The following FBXL13 variants were observed in gnomAD, a reference collection of about 807,000 sequenced individuals.
The protein encoded by FBXL13 is F-box and leucine rich repeat protein 13.
Under a neutral mutation model 83.6 loss-of-function variants are expected in FBXL13, and 67 were observed. The ratio of observed to expected loss-of-function variants is 0.80; its 90% CI spans 0.66 to 0.98. FBXL13 has a LOEUF of 0.98. FBXL13 is among the 50% of genes least tolerant of loss of function. FBXL13 has a pLI of 0.00. For synonymous variants in FBXL13, 272 were observed against 299.5 expected (o/e 0.91, Z 0.95); for missense variants, 822 against 866.5 (o/e 0.95, Z 0.64).
At chr7:102,839,207 T>C (rs1457602669) in intron 17 of FBXL13, among the ~76,000 whole-genome samples, 1 of 152,228 alleles carries the variant, frequency 6.6e-6, no homozygotes, top group Non-Finnish European at 1.5e-5. Context: ...GCATAGTACC[T>C]ACCCTTGAAC....
chr7:102,998,468 C>A (rs188042059), intron 6 of FBXL13, among the ~76,000 whole-genome samples: 40 of 152,244 alleles, frequency 2.6e-4, no homozygotes, highest in African/African-American at 9.4e-4. Context: ...CCTTTCACTT[C>A]TTTGGTTAAA....
chr7:102,995,787 A>ATAAATAAAT (rs1554494745), intron 6 of FBXL13, among the ~76,000 whole-genome samples: 2 of 145,626 alleles, frequency 1.4e-5, no homozygotes, highest in Non-Finnish European at 3.0e-5. Context: ...CTCTGTCTAA[A>ATAAATAAAT]TAAATAAATA....
chr7:102,918,351 T>C (rs1278789781), intron 10 of FBXL13, among the ~76,000 whole-genome samples: 1 of 152,220 alleles, frequency 6.6e-6, no homozygotes, highest in East Asian at 1.9e-4. Context: ...GGTCCTACTT[T>C]TCTATCTATT....
chr7:102,821,968 C>A (rs377417819), intron 19 of FBXL13, 72 bp downstream of exon 20: 8 of 1,483,232 alleles, frequency 5.4e-6, no homozygotes, highest in South Asian at 3.5e-5. Flanking sequence ...GTATTATGAA[C>A]CTTATAGCCA....
chr7:103,002,891 G>C (rs1306150214), intron 6 of FBXL13, among the ~76,000 whole-genome samples: 1 of 151,988 alleles, frequency 6.6e-6, no homozygotes, highest in Non-Finnish European at 1.5e-5. Flanking sequence ...TAATTGTGTT[G>C]AATCTATTTG....
intron 6 of FBXL13, among the ~76,000 whole-genome samples, chr7:102,996,644 A>G (rs560555238): frequency 3.3e-5 from 5 of 152,294 alleles, no homozygotes; most frequent in East Asian, 1.9e-4. Context: ...AAACACATCA[A>G]TGAAATTCCT....
intron 2 of FBXL13, among the ~76,000 whole-genome samples, chr7:103,041,052 A>G (rs1795632027): frequency 6.6e-6 from 1 of 152,166 alleles, no homozygotes; most frequent in Admixed American, 6.5e-5. Context: ...GTTTTTTGAA[A>G]AGACCAACAA....
chr7:102,977,268 TC>T (rs1311363342), intron 6 of FBXL13, among the ~76,000 whole-genome samples: 4 of 152,164 alleles, frequency 2.6e-5, no homozygotes, highest in African/African-American at 7.2e-5. Context: ...CCAAACCGCC[TC>T]CGTCCTGGAA....
At position 102,939,509 on chromosome 7, in the gene FBXL13, A is replaced by T. The variant is rs1453365775; in HGVS notation, c.725-7576T>A. ...CATACAATAAAATCAACCAACTTCG[A>T]CCCAAGGAATTTGAAGATGTTCATG... On this transcript the variant is annotated intron_variant, in intron 8 of 19. Coordinates refer to ENST00000313221, the Ensembl canonical transcript of FBXL13. 4 of 1,613,898 alleles carry T rather than the reference A, an allele frequency of 2.5e-6. No homozygotes were observed. The African/African-American group carries it at 5.3e-5, about 22-fold the overall frequency.
chr7:102,891,627 T>C (rs1456828588), intron 11 of FBXL13, among the ~76,000 whole-genome samples: 3 of 152,182 alleles, frequency 2.0e-5, no homozygotes, highest in East Asian at 1.9e-4. Context: ...TTGTTAAACA[T>C]TGCCATATTT....
At chr7:102,852,493 AAAAC>A (rs1805415067) in intron 17 of FBXL13, among the ~76,000 whole-genome samples, 2 of 152,212 alleles carry the variant, frequency 1.3e-5, no homozygotes, top group Non-Finnish European at 2.9e-5. Context: ...TAGCAAGAAA[AAAAC>A]AAACAGTCCC....
intron 19 of FBXL13, among the ~76,000 whole-genome samples, chr7:102,818,773 A>AT (rs1798378651): frequency 6.6e-6 from 1 of 152,144 alleles, no homozygotes; most frequent in Non-Finnish European, 1.5e-5. Flanking sequence ...AGTTCCCTTT[A>AT]TTTTTTTAAA....
intron 16 of FBXL13, among the ~76,000 whole-genome samples, chr7:102,873,103 T>C (rs1403820650): frequency 6.6e-6 from 1 of 152,242 alleles, no homozygotes; most frequent in Non-Finnish European, 1.5e-5. Flanking sequence ...ATTTTTGCCT[T>C]TGCTGATCAA....
At chr7:102,964,390 C>CTATATATATA (rs371731702) in intron 7 of FBXL13, among the ~76,000 whole-genome samples, 1 of 140,468 alleles carries the variant, frequency 7.1e-6, no homozygotes, top group East Asian at 2.1e-4. Flanking sequence ...AATTTTGTGA[C>CTATATATATA]TATATATATA....
chr7:103,001,115 T>C (rs1395719661), intron 6 of FBXL13, among the ~76,000 whole-genome samples: 3 of 150,858 alleles, frequency 2.0e-5, no homozygotes, highest in South Asian at 2.1e-4. Context: ...CAGTTCTATA[T>C]ATATATTTTT....
intron 9 of FBXL13, among the ~76,000 whole-genome samples, chr7:102,930,222 CTT>C (rs1479620916): frequency 6.6e-6 from 1 of 152,132 alleles, no homozygotes; most frequent in Non-Finnish European, 1.5e-5. Context: ...TTCATGCAGT[CTT>C]TTCACCAGCG....
intron 11 of FBXL13, among the ~76,000 whole-genome samples, chr7:102,896,681 T>A (rs1812290258): frequency 6.6e-6 from 1 of 152,204 alleles, no homozygotes; most frequent in Non-Finnish European, 1.5e-5. Flanking sequence ...CCATTTCAGG[T>A]TCACATAGCA....
At chr7:102,850,702 T>A (rs1038072294) in intron 17 of FBXL13, among the ~76,000 whole-genome samples, 2 of 152,204 alleles carry the variant, frequency 1.3e-5, no homozygotes, top group African/African-American at 4.8e-5. Context: ...TTTTTGTTAT[T>A]AAAGAGTTAC....
At chr7:102,826,769 A>ATATATATATATATATATGTATG (rs1414065543) in intron 18 of FBXL13, among the ~76,000 whole-genome samples, 1 of 100,742 alleles carries the variant, frequency 9.9e-6, no homozygotes, top group Non-Finnish European at 2.0e-5. Flanking sequence ...ATATATATAT[A>ATATATATATATATATATGTATG]TATGTATATA....
Sources: gnomAD v4.1 joint callset for allele counts (sites outside exome capture counted in the v4.1 genomes callset) on GRCh38, gnomAD v4.1.1 for gene constraint, MANE v1.5 for transcripts, NCBI Gene and HGNC (gene_info 2026-07-23, HGNC 2026-07-21) for gene names.